MAP7D3: variants seen among roughly 807,000 people sequenced by gnomAD.
The protein encoded by MAP7D3 is MAP7 domain-containing protein 3.
Under a neutral mutation model 62.2 loss-of-function variants are expected in MAP7D3, and 45 were observed. That is an observed-to-expected ratio of 0.72 (90% CI 0.57 to 0.93). The LOEUF (loss-of-function observed/expected upper bound fraction) is 0.93. Among genes scored for constraint, MAP7D3 ranks in the 40% least tolerant of loss-of-function variants. The pLI is 0.00. For missense variants in MAP7D3, 711 were observed against 683.1 expected (o/e 1.04, Z -0.45); for synonymous variants, 288 against 248.8 (o/e 1.16, Z -1.48).
chrX:136,231,624 T>C lies in MAP7D3; in HGVS notation c.1333A>G (p.Met445Val). ...KESMEASPEA[M>V]VKASPKTSLE... ...GATGTCTTGGGGGATGCTTTCACCA[T>C]CGCCTCAGGAGATGCCTCCATGCTC... The change falls in exon 8 of 19, where the codon ATG (methionine) becomes GTG (valine). Residue 445 changes from methionine to valine, a missense_variant. Met to Val is a conservative substitution (Grantham distance 21). Coordinates refer to ENST00000316077, the MANE Select transcript of MAP7D3 (RefSeq NM_024597.4). 1 of 1,210,819 alleles carries C rather than the reference T, an allele frequency of 8.3e-7. No homozygotes were observed. The highest frequency in any genetic ancestry group is 1.1e-6 in the Non-Finnish European group (1 of 895,097).
rs989385294 is a variant in MAP7D3 at position 136,217,729 on chromosome X, T to C, written c.*797A>G. 3 of 112,225 alleles carry C rather than the reference T, an allele frequency of 2.7e-5. No homozygotes were observed. The highest frequency in any genetic ancestry group is 5.6e-5 in the Non-Finnish European group (3 of 53,193). The allele number at this position is 112,225 out of a possible 1,213,427, so 9.2% of individuals were successfully genotyped here. On this transcript the variant is annotated 3_prime_UTR_variant, in exon 19 of 19. Coordinates refer to ENST00000316077, the MANE Select transcript of MAP7D3 (RefSeq NM_024597.4). ...CTCTACAAGATCAACTGTGAGTTTT[T>C]AGCTGTCAAAATTGTCACTGGTACA...
At chrX:136,236,725 CAT>C (rs1466631454) in intron 6 of MAP7D3, among the ~76,000 whole-genome samples, 2 of 112,066 alleles carry the variant, frequency 1.8e-5, no homozygotes, top group Non-Finnish European at 1.9e-5. Context: ...TGTACACACA[CAT>C]GTGCACACAC....
intron 3 of MAP7D3, among the ~76,000 whole-genome samples, chrX:136,245,661 G>A (rs946864331): frequency 9.1e-6 from 1 of 110,285 alleles, no homozygotes; most frequent in Non-Finnish European, 1.9e-5. Flanking sequence ...GCAGGAGAAT[G>A]GCATGAACCC....
At chrX:136,214,646 C>T (rs2074050303), downstream of MAP7D3, 1 of 112,000 alleles carries the variant, frequency 8.9e-6, no homozygotes, top group African/African-American at 3.2e-5. Flanking sequence ...GGGTTCAGGT[C>T]TTCAGGGGCC....
Position 136,241,150 on chromosome X carries a change from T to C in MAP7D3, c.535+10A>G. 3.1e-6 allele frequency: 3 copies of C among 974,669 alleles called. No individual in the cohort carries two copies. Among genetic ancestry groups the C allele is most frequent in the African/African-American group, 1.9e-5 (1 of 53,123 alleles). 80.3% of individuals were successfully genotyped at this position (974,669 alleles called of 1,213,427 possible). On this transcript the variant is annotated intron_variant, in intron 5 of 18. Transcript: ENST00000316077. ...AAACAAACTTAAAATTTAATGGGTGTATTAATTACCAGTTTTGCTCTCAGA... is the reference window on the plus strand; with the variant it reads ...AAACAAACTTAAAATTTAATGGGTGCATTAATTACCAGTTTTGCTCTCAGA...
At chrX:136,233,212 C>A (rs1193219462) in intron 7 of MAP7D3, among the ~76,000 whole-genome samples, 1 of 109,614 alleles carries the variant, frequency 9.1e-6, no homozygotes, top group African/African-American at 3.3e-5. Flanking sequence ...CCAGTGAGCA[C>A]AGGGATAATG....
At chrX:136,240,692 T>A (rs924167155) in intron 5 of MAP7D3, among the ~76,000 whole-genome samples, 2 of 111,603 alleles carry the variant, frequency 1.8e-5, no homozygotes, top group African/African-American at 3.3e-5. Flanking sequence ...ACTCTTGACC[T>A]CAAGTGATCT....
downstream of MAP7D3, chrX:136,214,695 G>A (rs954979311): frequency 8.9e-6 from 1 of 112,111 alleles, no homozygotes; most frequent in African/African-American, 3.2e-5. Flanking sequence ...CTGCATTCTT[G>A]TGGTTTTTAG....
chrX:136,255,705 A>G (rs2074547575), upstream of MAP7D3, among the ~76,000 whole-genome samples: 1 of 110,921 alleles, frequency 9.0e-6, no homozygotes, highest in Non-Finnish European at 1.9e-5. Context: ...GAGCCAAAAC[A>G]GACTCAGAGC....
Position 136,225,924 on chromosome X carries a change from C to A in MAP7D3, c.2124G>T (p.Arg708=). ...ERIMLQNLQE[R]LERKKRIEEI... ...GAGCGAGTACCTTTTTCCTTTCTAA[C>A]CGTTCTTGTAAATTTTGTAACATAA... The change falls in exon 13 of 19, where the codon CGG becomes CGT. Residue 708 remains arginine, a synonymous_variant. Coordinates refer to ENST00000316077, the MANE Select transcript of MAP7D3 (RefSeq NM_024597.4). 4 of 1,188,710 alleles carry A rather than the reference C, an allele frequency of 3.4e-6. No homozygotes were observed. Among genetic ancestry groups the A allele is most frequent in the Non-Finnish European group, 4.6e-6 (4 of 877,227 alleles).
At chrX:136,233,410 G>A (rs966745922) in intron 7 of MAP7D3, among the ~76,000 whole-genome samples, 9 of 107,390 alleles carry the variant, frequency 8.4e-5, no homozygotes, top group Non-Finnish European at 1.5e-4. Context: ...AAGTAGCTGG[G>A]ATTACAGACA....
intron 3 of MAP7D3, 120 bp downstream of exon 3, chrX:136,245,945 T>C (rs2074442868): frequency 2.4e-6 from 1 of 422,637 alleles, no homozygotes; most frequent in African/African-American, 2.5e-5. Context: ...TAATCCAAAA[T>C]AATACATAAT....
chrX:136,247,084 C>T lies in MAP7D3; in HGVS notation c.71-743G>A, dbSNP rs1334729275. ...AGATGGTATCATTCTAGGTAGATGT[C>T]AAGCAAACAAATATAAATTATACAA... On this transcript the variant is annotated intron_variant, in intron 1 of 18. Coordinates refer to ENST00000316077, the MANE Select transcript of MAP7D3 (RefSeq NM_024597.4). Among the ~76,000 whole-genome samples the T allele has an allele frequency of 1.6e-4, 18 of 112,160 alleles. No homozygotes were observed. The Admixed American group carries it at 1.7e-3, about 11-fold the overall frequency.
At chrX:136,250,850 G>C (rs953959605) in intron 1 of MAP7D3, among the ~76,000 whole-genome samples, 3 of 111,700 alleles carry the variant, frequency 2.7e-5, no homozygotes, top group Admixed American at 9.3e-5. Context: ...GAGTCCCTGC[G>C]GGCGCCCGCA....
At position 136,243,351 on chromosome X, in the gene MAP7D3, GA is replaced by G. The variant is rs1026506731; in HGVS notation, c.417+1280del. ...AAAGAAAATCAAGCTGCCTCAGGCAGAAAAAGGCCAGAGTCAGAGACCAAAA... is the reference window on the plus strand; with the variant it reads ...AAAGAAAATCAAGCTGCCTCAGGCAGAAAAGGCCAGAGTCAGAGACCAAAA... On this transcript the variant is annotated intron_variant, in intron 4 of 18. Transcript: ENST00000316077. 1.3e-4 allele frequency among the ~76,000 whole-genome samples: 15 copies of G among 111,954 alleles called. 1 individual carries two copies. The highest frequency in any genetic ancestry group is 4.5e-4 in the African/African-American group (14 of 30,852).
At position 136,228,686 on chromosome X, in the gene MAP7D3, C is replaced by T. The variant is rs200878951; in HGVS notation, c.1823G>A (p.Arg608His). The change falls in exon 11 of 19, where the codon CGC becomes CAC. Residue 608 changes from arginine (R) to histidine (H), a missense_variant. Transcript: ENST00000316077. ...TTTTTCTCTTTGTTCACGAGCAAGG[C>T]GGCGCAATTCTGTCAAAATTTTTGT... is the stretch of plus-strand genomic sequence containing the variant. ...AATKILTELR[R>H]LAREQREKEE... 4.9e-5 allele frequency: 59 copies of T among 1,204,646 alleles called. No homozygotes were observed. Among genetic ancestry groups the T allele is most frequent in the Non-Finnish European group, 6.4e-5 (57 of 892,259 alleles).
chrX:136,245,110 A>G (rs909311775), intron 3 of MAP7D3, among the ~76,000 whole-genome samples: 2 of 112,442 alleles, frequency 1.8e-5, no homozygotes, highest in African/African-American at 6.5e-5. Context: ...TTTGAGCTAA[A>G]GTCAAACCCT....
intron 1 of MAP7D3, among the ~76,000 whole-genome samples, chrX:136,250,949 G>A (rs1401265158): frequency 2.7e-5 from 3 of 111,456 alleles, no homozygotes; most frequent in Non-Finnish European, 5.7e-5. Context: ...GGTCCGCGGG[G>A]TCCGGCTTCC....
intron 7 of MAP7D3, among the ~76,000 whole-genome samples, chrX:136,233,421 T>C (rs1226712268): frequency 9.3e-6 from 1 of 107,490 alleles, no homozygotes; most frequent in East Asian, 2.9e-4. Flanking sequence ...ATTACAGACA[T>C]GTGCCACCAC....
Sources: gnomAD v4.1 joint callset for allele counts (sites outside exome capture counted in the v4.1 genomes callset) on GRCh38, gnomAD v4.1.1 for gene constraint, MANE v1.5 for transcripts, NCBI Gene and HGNC (gene_info 2026-07-23, HGNC 2026-07-21) for gene names.